Variants in MYO16 observed in about 807,000 individuals in gnomAD.
MYO16 encodes the protein myosin XVI.
In MYO16, 94 loss-of-function variants were observed where a neutral mutation model predicts 205.3. That is an observed-to-expected ratio of 0.46 (90% CI 0.39 to 0.54). The LOEUF (loss-of-function observed/expected upper bound fraction) is 0.54, where lower values mean the gene tolerates loss of function less well. MYO16 is among the 20% of genes least tolerant of loss of function. The pLI is 0.00. For synonymous variants in MYO16, 988 were observed against 954.0 expected (o/e 1.04, Z -0.66); for missense variants, 2,315 against 2,387.5 (o/e 0.97, Z 0.63).
At chr13:108,535,838 A>G in the MYO16 span, among the ~76,000 whole-genome samples, 5 of 152,300 alleles carry the variant, frequency 3.3e-5, no homozygotes, top group African/African-American at 1.2e-4. Context: ...AATACTAAGT[A>G]CTTTTCAATA....
At chr13:109,152,999 A>C (rs943952037) in intron 32 of MYO16, among the ~76,000 whole-genome samples, 1 of 152,186 alleles carries the variant, frequency 6.6e-6, no homozygotes, top group Non-Finnish European at 1.5e-5. Context: ...AGACCATGGC[A>C]AGGAAACTTG....
chr13:108,932,132 G>A lies in MYO16; in HGVS notation c.1925+21982G>A, dbSNP rs548336361. ...TTGCATTTTAATTTCAATGACTTTT[G>A]TTCACTTCTAAGAGTTCCACTTTGT... On this transcript the variant is annotated intron_variant, in intron 16 of 34. Transcript: ENST00000457511. 7.2e-5 allele frequency among the ~76,000 whole-genome samples: 11 copies of A among 152,118 alleles called. No homozygotes were observed. In the South Asian group the frequency reaches 1.2e-3, roughly 17 times the overall value.
intron 1 of MYO16, among the ~76,000 whole-genome samples, chr13:108,632,908 A>C (rs1038201677): frequency 2.6e-5 from 4 of 152,056 alleles, no homozygotes; most frequent in Non-Finnish European, 4.4e-5. Context: ...GTGAGACTTG[A>C]AACTACTTTT....
At chr13:108,966,959 A>G (rs1460512573) in intron 20 of MYO16, among the ~76,000 whole-genome samples, 1 of 152,104 alleles carries the variant, frequency 6.6e-6, no homozygotes, top group African/African-American at 2.4e-5. Context: ...GATTATATAA[A>G]TAAATAATAT....
At chr13:108,530,482 C>A in the MYO16 span, among the ~76,000 whole-genome samples, 17 of 152,218 alleles carry the variant, frequency 1.1e-4, no homozygotes, top group Non-Finnish European at 2.2e-4. Context: ...AGGTTACTTC[C>A]TTTAATAATG....
At chr13:108,610,504 A>C (rs1250928686) in intron 1 of MYO16, among the ~76,000 whole-genome samples, 2 of 152,150 alleles carry the variant, frequency 1.3e-5, no homozygotes, top group African/African-American at 2.4e-5. Flanking sequence ...AAATAGAAAG[A>C]CAAGGCCCCT....
At chr13:108,745,476 CAA>C (rs1173871839) in intron 4 of MYO16, among the ~76,000 whole-genome samples, 2 of 152,024 alleles carry the variant, frequency 1.3e-5, no homozygotes, top group Admixed American at 1.3e-4. Flanking sequence ...CCTGGAAGCA[CAA>C]AGTCAAGAGA....
In MYO16 at chr13:108,951,039, C is replaced by T. The variant is rs956224626; in HGVS notation, c.1926-6649C>T. Among the ~76,000 whole-genome samples the T allele has an allele frequency of 6.7e-5, 10 of 148,930 alleles. No homozygotes were observed. The East Asian group carries it at 1.2e-3, about 18-fold the overall frequency. On this transcript the variant is annotated intron_variant, in intron 16 of 34. Transcript: ENST00000457511. ...TTTAAAAGCATTACCTTCCTCAAAA[C>T]GTTTTTTTGTTTTTGTTTTTTACTT...
At chr13:108,888,046 A>G (rs527856954) in intron 13 of MYO16, among the ~76,000 whole-genome samples, 1 of 152,056 alleles carries the variant, frequency 6.6e-6, no homozygotes, top group African/African-American at 2.4e-5. Flanking sequence ...TAATTCACCT[A>G]CACTAGGTGG....
At chr13:108,992,792 T>A (rs2139440212) in intron 21 of MYO16, among the ~76,000 whole-genome samples, 1 of 152,296 alleles carries the variant, frequency 6.6e-6, no homozygotes, top group Non-Finnish European at 1.5e-5. Context: ...AAACCTTGGC[T>A]AAACATCAGA....
At chr13:108,585,181 C>A in the MYO16 span, among the ~76,000 whole-genome samples, 1 of 152,112 alleles carries the variant, frequency 6.6e-6, no homozygotes, top group Admixed American at 6.6e-5. Context: ...GTGACACAGC[C>A]CTCAGGAGGT....
At chr13:108,873,526 A>G (rs1461340860) in intron 12 of MYO16, among the ~76,000 whole-genome samples, 1 of 152,242 alleles carries the variant, frequency 6.6e-6, no homozygotes, top group African/African-American at 2.4e-5. Flanking sequence ...CTGATCTGAC[A>G]CTAACAACCA....
At chr13:108,915,394 A>T (rs937620059) in intron 16 of MYO16, among the ~76,000 whole-genome samples, 4 of 152,258 alleles carry the variant, frequency 2.6e-5, no homozygotes, top group African/African-American at 9.6e-5. Context: ...AATTAAAATA[A>T]AAACAGAAAA....
rs9587740 is a variant in MYO16 at position 109,011,518 on chromosome 13, T to C, written c.2595+2469T>C. On this transcript the variant is annotated intron_variant, in intron 22 of 34. Transcript: ENST00000457511. ...CCTTTCTTTTTTTTTTTTGTTGTTA[T>C]TTGTTTGTTTGTTTGAGACAGAGTC... Among the ~76,000 whole-genome samples the C allele has an allele frequency of 4.2e-3, 611 of 147,126 alleles. 4 individuals are homozygous for C. The highest frequency in any genetic ancestry group is 0.015 in the African/African-American group (583 of 40,042).
chr13:108,961,093 A>G (rs1317831021), intron 17 of MYO16, among the ~76,000 whole-genome samples: 3 of 152,208 alleles, frequency 2.0e-5, no homozygotes, highest in African/African-American at 7.2e-5. Flanking sequence ...AGAAATGAAC[A>G]CCATGATGTA....
intron 28 of MYO16, among the ~76,000 whole-genome samples, chr13:109,112,510 C>T (rs781224821): frequency 1.3e-5 from 2 of 152,096 alleles, no homozygotes; most frequent in Non-Finnish European, 2.9e-5. Context: ...AATCCTAGCA[C>T]TTTGGGAGGC....
At chr13:108,498,565 T>C in the MYO16 span, among the ~76,000 whole-genome samples, 1 of 152,204 alleles carries the variant, frequency 6.6e-6, no homozygotes, top group African/African-American at 2.4e-5. Flanking sequence ...AAATAACTCA[T>C]TGTTCTTTGA....
At chr13:108,719,124 T>C (rs1884062471) in intron 3 of MYO16, among the ~76,000 whole-genome samples, 1 of 152,134 alleles carries the variant, frequency 6.6e-6, no homozygotes, top group Non-Finnish European at 1.5e-5. Context: ...GGACCCCAAA[T>C]TATTAAGAAT....
chr13:108,528,012 C>A, the MYO16 span, among the ~76,000 whole-genome samples: 15 of 152,258 alleles, frequency 9.9e-5, no homozygotes, highest in South Asian at 3.1e-3. Context: ...CTCTCTGAAA[C>A]CTGATTCCAT....
Sources: gnomAD v4.1 joint callset for allele counts (sites outside exome capture counted in the v4.1 genomes callset) on GRCh38, gnomAD v4.1.1 for gene constraint, MANE v1.5 for transcripts, NCBI Gene and HGNC (gene_info 2026-07-23, HGNC 2026-07-21) for gene names.